Variants in DNM3 observed in about 807,000 individuals in gnomAD.
DNM3 encodes dynamin-3.
DNM3 carries 47 observed loss-of-function variants against 101.6 expected under a neutral mutation model. That is an observed-to-expected ratio of 0.46 (90% CI 0.37 to 0.59). The LOEUF is 0.59. Ranked by LOEUF, DNM3 falls within the 20% of genes least tolerant of loss-of-function variation. DNM3 has a pLI of 0.00. For missense variants in DNM3, 849 were observed against 1,085.7 expected (o/e 0.78, Z 3.06); for synonymous variants, 385 against 387.9 (o/e 0.99, Z 0.09).
chr1:172,165,542 A>G (rs11800549), intron 14 of DNM3, among the ~76,000 whole-genome samples: 11,261 of 152,072 alleles, frequency 0.074, 486 homozygotes, highest in East Asian at 0.13. Context: ...ATTATAGGTT[A>G]CTATTATCCT....
chr1:172,051,794 A>G (rs2125873431), intron 10 of DNM3, among the ~76,000 whole-genome samples: 1 of 152,238 alleles, frequency 6.6e-6, no homozygotes, highest in South Asian at 2.1e-4. Flanking sequence ...GCAGATGTAC[A>G]TCCATCATTA....
rs542910675 is a variant in DNM3, at chr1:172,084,844, T to G, written c.1493+2942T>G. ...CAGATTTATAGGATGGTGATGTACATAGTACTTTACACATGTAATTTTTTT... is the reference window on the plus strand; with the variant it reads ...CAGATTTATAGGATGGTGATGTACAGAGTACTTTACACATGTAATTTTTTT... On this transcript the variant is annotated intron_variant, in intron 12 of 20. Transcript: ENST00000627582. 4.6e-5 allele frequency among the ~76,000 whole-genome samples: 7 copies of G among 152,262 alleles called. No homozygotes were observed. The South Asian group carries it at 1.2e-3, about 27-fold the overall frequency.
chr1:172,320,779 C>G lies in DNM3; in HGVS notation c.1882-2550C>G, dbSNP rs1360566974. On this transcript the variant is annotated intron_variant, in intron 16 of 20. Transcript: ENST00000627582. ...GATAGGCCAGCCTCCATCGGTTAGT[C>G]AGGAGTGAGCAGAAAGGCTGTCGGG... 2.6e-5 allele frequency among the ~76,000 whole-genome samples: 4 copies of G among 152,200 alleles called. No homozygotes were observed. The East Asian group carries it at 7.7e-4, about 29-fold the overall frequency.
Position 171,945,401 on chromosome 1 carries a change from G to C in DNM3, c.235+23580G>C, listed in dbSNP as rs12093037. Among the ~76,000 whole-genome samples the C allele has an allele frequency of 9.0e-3, 1,372 of 152,252 alleles. 17 individuals are homozygous for C. The highest frequency in any genetic ancestry group is 0.031 in the African/African-American group (1,289 of 41,548). ...TTGGAAAAAGTGTTAAATCCAGTAAGATGACAAATTCAAATGTTTCATAAA... is the reference window on the plus strand; with the variant it reads ...TTGGAAAAAGTGTTAAATCCAGTAACATGACAAATTCAAATGTTTCATAAA... On this transcript the variant is annotated intron_variant, in intron 2 of 20. Transcript: ENST00000627582.
At chr1:171,900,570 G>A (rs2038221429) in intron 1 of DNM3, among the ~76,000 whole-genome samples, 1 of 152,144 alleles carries the variant, frequency 6.6e-6, no homozygotes, top group Non-Finnish European at 1.5e-5. Context: ...CTTGGTGAGG[G>A]CGGCTTCCAG....
intron 13 of DNM3, among the ~76,000 whole-genome samples, chr1:172,106,864 T>TTTTTTTTTTTTTG (rs2055072467): frequency 8.6e-6 from 1 of 116,134 alleles, no homozygotes; most frequent in African/African-American, 4.1e-5. Flanking sequence ...TTTTTTTTTT[T>TTTTTTTTTTTTTG]TTTTTTTGAG....
rs59701730 is a variant in DNM3, at chr1:172,010,682, TTGTGTGTGTGTGTGTGTG to T, written c.589+21558_589+21575del. On this transcript the variant is annotated intron_variant, in intron 4 of 20. Transcript: ENST00000627582. ...TAATTATGGTGTGCCTTGGTATGTT[TTGTGTGTGTGTGTGTGTG>T]TGTGTGTGTGTGTGTGTGTGTGTAG... Among the ~76,000 whole-genome samples, 5 of 112,754 alleles carry T rather than the reference TTGTGTGTGTGTGTGTGTG, an allele frequency of 4.4e-5. No homozygotes were observed. The East Asian group carries it at 1.0e-3, about 24-fold the overall frequency. The allele number at this position is 112,754 out of a possible 152,430, so 74.0% of individuals were successfully genotyped here.
intron 1 of DNM3, among the ~76,000 whole-genome samples, chr1:171,865,003 C>T (rs1003842318): frequency 1.3e-5 from 2 of 151,974 alleles, no homozygotes; most frequent in African/African-American, 4.8e-5. Context: ...AGTGGGTTTT[C>T]TTAATTGGAC....
chr1:172,124,857 G>A (rs1008905997), intron 13 of DNM3, among the ~76,000 whole-genome samples: 1 of 152,152 alleles, frequency 6.6e-6, no homozygotes, highest in African/African-American at 2.4e-5. Context: ...TTCACCTCTC[G>A]AGGCCTGCCA....
chr1:172,243,413 A>G (rs1001421387), intron 14 of DNM3, among the ~76,000 whole-genome samples: 33 of 152,192 alleles, frequency 2.2e-4, no homozygotes, highest in African/African-American at 7.0e-4. Flanking sequence ...GAGCCCTCCC[A>G]TGGGCTTGTA....
chr1:171,989,266 T>C, intron 4 of DNM3, 118 bp downstream of exon 4: 1 of 766,750 alleles, frequency 1.3e-6, no homozygotes, highest in Non-Finnish European at 1.9e-6. Flanking sequence ...CCATTATTAA[T>C]GTTGTTAAAC....
At chr1:172,236,214 G>T (rs946989798) in intron 14 of DNM3, among the ~76,000 whole-genome samples, 1 of 152,052 alleles carries the variant, frequency 6.6e-6, no homozygotes, top group African/African-American at 2.4e-5. Context: ...TCCTGCTCTT[G>T]CCCCTACCTC....
intron 1 of DNM3, among the ~76,000 whole-genome samples, chr1:171,881,124 T>C (rs2036234377): frequency 6.6e-6 from 1 of 152,230 alleles, no homozygotes; most frequent in African/African-American, 2.4e-5. Context: ...CTAATAATTG[T>C]ATAATAATAA....
intron 11 of DNM3, among the ~76,000 whole-genome samples, chr1:172,072,719 C>T (rs2052300589): frequency 6.6e-6 from 1 of 152,178 alleles, no homozygotes; most frequent in Non-Finnish European, 1.5e-5. Flanking sequence ...GAAATCCCAT[C>T]TCTACAAAAG....
chr1:172,322,267 T>C (rs1294873420), intron 16 of DNM3, among the ~76,000 whole-genome samples: 3 of 152,148 alleles, frequency 2.0e-5, no homozygotes, highest in Non-Finnish European at 4.4e-5. Context: ...CTCCGCCCTG[T>C]TCTAGGTCTC....
At chr1:172,227,093 T>C (rs1428405901) in intron 14 of DNM3, among the ~76,000 whole-genome samples, 1 of 151,640 alleles carries the variant, frequency 6.6e-6, no homozygotes, top group Non-Finnish European at 1.5e-5. Context: ...ATGTCCATTA[T>C]ACCACTTTGT....
chr1:171,928,282 C>G (rs2040736192), intron 2 of DNM3, among the ~76,000 whole-genome samples: 1 of 152,152 alleles, frequency 6.6e-6, no homozygotes, highest in South Asian at 2.1e-4. Context: ...CTCTTGAGTG[C>G]TGGCTATAGA....
At chr1:171,974,669 TG>T (rs1421108876) in intron 2 of DNM3, among the ~76,000 whole-genome samples, 20 of 152,364 alleles carry the variant, frequency 1.3e-4, no homozygotes, top group South Asian at 1.2e-3. Flanking sequence ...TACTGAGTGC[TG>T]GCTATTCTTG....
At chr1:171,905,995 G>T (rs1278891130) in intron 1 of DNM3, among the ~76,000 whole-genome samples, 1 of 152,160 alleles carries the variant, frequency 6.6e-6, no homozygotes, top group African/African-American at 2.4e-5. Context: ...TTCCCAGAGG[G>T]AAGAGGCAGT....
Sources: gnomAD v4.1 joint callset for allele counts (sites outside exome capture counted in the v4.1 genomes callset) on GRCh38, gnomAD v4.1.1 for gene constraint, MANE v1.5 for transcripts, NCBI Gene and HGNC (gene_info 2026-07-23, HGNC 2026-07-21) for gene names.